TRPM7: variants seen among roughly 807,000 people sequenced by gnomAD.
TRPM7 encodes the protein transient receptor potential cation channel subfamily M member 7, also known as LTRPC ion channel family member 7.
In TRPM7, 134 loss-of-function variants were observed where a neutral mutation model predicts 229.7. The ratio of observed to expected loss-of-function variants is 0.58; its 90% confidence interval spans 0.51 to 0.67. TRPM7 has a LOEUF of 0.67. Ranked by LOEUF, TRPM7 falls within the 30% of genes least tolerant of loss-of-function variation. The probability of loss-of-function intolerance (pLI) is 0.00; values close to 1 mark genes in which losing one functional copy is unlikely to be tolerated. For synonymous variants in TRPM7, 699 were observed against 715.2 expected (o/e 0.98, Z 0.36); for missense variants, 1,901 against 2,210.0 (o/e 0.86, Z 2.80).
intron 10 of TRPM7, 55 bp from the exon 11 acceptor site, chr15:50,628,304 G>C (rs965139809): frequency 1.5e-6 from 2 of 1,322,240 alleles, no homozygotes; most frequent in East Asian, 2.3e-5. Context: ...TCCATTAAAA[G>C]GTGAACACTT....
intron 25 of TRPM7, among the ~76,000 whole-genome samples, chr15:50,593,261 C>T (rs977752511): frequency 6.6e-5 from 10 of 151,656 alleles, no homozygotes; most frequent in African/African-American, 2.4e-4. Context: ...TGTACTCCAG[C>T]CGGGGCAAAA....
At chr15:50,618,223 A>G (rs2060282451) in intron 13 of TRPM7, among the ~76,000 whole-genome samples, 1 of 152,084 alleles carries the variant, frequency 6.6e-6, no homozygotes, top group Admixed American at 6.6e-5. Context: ...GTGGCCACAG[A>G]ATAGCCTGAG....
intron 38 of TRPM7, among the ~76,000 whole-genome samples, chr15:50,563,757 C>A (rs1248396793): frequency 6.6e-6 from 1 of 152,292 alleles, no homozygotes; most frequent in African/African-American, 2.4e-5. Flanking sequence ...ACATGCAACC[C>A]AACACAAATT....
At chr15:50,654,936 G>C (rs1351360240) in intron 3 of TRPM7, among the ~76,000 whole-genome samples, 4 of 147,054 alleles carry the variant, frequency 2.7e-5, no homozygotes, top group African/African-American at 1.0e-4. Flanking sequence ...AGGATGCAGA[G>C]CTTGCAGTGA....
At chr15:50,674,925 A>G (rs2062062239) in intron 1 of TRPM7, among the ~76,000 whole-genome samples, 1 of 152,200 alleles carries the variant, frequency 6.6e-6, no homozygotes, top group African/African-American at 2.4e-5. Context: ...TCTCATTGGC[A>G]AATCCACCCA....
At chr15:50,650,626 C>A (rs1267933401) in intron 3 of TRPM7, among the ~76,000 whole-genome samples, 1 of 151,718 alleles carries the variant, frequency 6.6e-6, no homozygotes, top group Non-Finnish European at 1.5e-5. Flanking sequence ...ACCTGGGAGG[C>A]AGAGGTTGTG....
chr15:50,563,474 C>G (rs917912712), intron 38 of TRPM7, among the ~76,000 whole-genome samples: 1 of 152,144 alleles, frequency 6.6e-6, no homozygotes, highest in African/African-American at 2.4e-5. Context: ...GTCCAGGAAA[C>G]AAGGTGGTAG....
At chr15:50,630,706 G>A (rs1225621741) in intron 10 of TRPM7, among the ~76,000 whole-genome samples, 3 of 152,042 alleles carry the variant, frequency 2.0e-5, no homozygotes, top group Non-Finnish European at 4.4e-5. Context: ...ACAGGGTCTT[G>A]CTGTCACCCA....
intron 36 of TRPM7, 52 bp from the exon 37 acceptor site, chr15:50,570,207 T>C (rs1007467048): frequency 7.8e-7 from 1 of 1,278,116 alleles, no homozygotes; most frequent in East Asian, 2.6e-5. Context: ...ATAATTGACA[T>C]AAATACTGAC....
intron 1 of TRPM7, among the ~76,000 whole-genome samples, chr15:50,673,092 T>C (rs2062026220): frequency 6.8e-6 from 1 of 147,140 alleles, no homozygotes; most frequent in Non-Finnish European, 1.5e-5. Flanking sequence ...AAAAATACTT[T>C]TTATAAATTT....
chr15:50,601,898 A>C (rs947418410), intron 21 of TRPM7, among the ~76,000 whole-genome samples: 2 of 151,126 alleles, frequency 1.3e-5, no homozygotes, highest in Non-Finnish European at 2.9e-5. Context: ...CAAGCTTTTC[A>C]AAGCTGTTTC....
At chr15:50,663,606 T>G (rs1339797885) in intron 1 of TRPM7, among the ~76,000 whole-genome samples, 2 of 152,160 alleles carry the variant, frequency 1.3e-5, no homozygotes, top group Non-Finnish European at 2.9e-5. Flanking sequence ...GAAGCCTAGT[T>G]TGAGATTCCC....
At chr15:50,626,219 T>C (rs1182165901) in intron 11 of TRPM7, among the ~76,000 whole-genome samples, 1 of 152,178 alleles carries the variant, frequency 6.6e-6, no homozygotes, top group African/African-American at 2.4e-5. Context: ...TTTTTTATTA[T>C]AAATCATTTT....
chr15:50,632,954 G>A lies in TRPM7; in HGVS notation c.1046C>T (p.Thr349Ile). 6.2e-7 allele frequency: 1 copy of A among 1,605,442 alleles called. No individual in the cohort carries two copies. Among genetic ancestry groups the A allele is most frequent in the Non-Finnish European group, 8.5e-7 (1 of 1,177,034 alleles). ...GCCAAAGTTAAATGTTTTTTTGATA[G>A]TGGAAATAATATCGGGCTCTGCTGC... ...PDAAEPDIIS[T>I]IKKTFNFGQN... Residue 349 changes from threonine to isoleucine, a missense_variant, in exon 9 of 39, where the codon ACT becomes ATT. Transcript: ENST00000646667.
rs1362266640 is a variant in TRPM7, at chr15:50,560,045, T to C, written c.*1633A>G. The C allele has an allele frequency of 6.7e-6, 1 of 149,100 alleles. No individual in the cohort carries two copies. The highest frequency in any genetic ancestry group is 1.5e-5 in the Non-Finnish European group (1 of 67,472). 9.2% of individuals were successfully genotyped at this position (149,100 alleles called of 1,614,324 possible). A position where few individuals can be genotyped will look rare whatever the true frequency, so the allele number is the denominator to read the frequency against. The stretch of plus-strand genomic sequence containing the variant: ...AAAAAAAAAAAAAAAGTATAGCTAC[T>C]ATTATAATCCTGTGAAAATAATCAA... On this transcript the variant is annotated 3_prime_UTR_variant, in exon 39 of 39. Transcript: ENST00000646667.
rs2053788177 is a variant in TRPM7 at position 50,569,923 on chromosome 15, G to A, written c.5431C>T (p.His1811Tyr). ...AGCTTTCTACAGCAAGAATTACAGT[G>A]ATGTTTTGCTCTGAAGTTTTTAATT... ...DAIKNFRAKH[H>Y]CNSCCRKLKL... Residue 1811 changes from histidine (H) to tyrosine (Y), a missense_variant, in exon 38 of 39, where the codon CAC (histidine) becomes TAC (tyrosine). His to Tyr is a moderately conservative substitution (Grantham distance 83). This residue lies in a region of TRPM7 where 257 missense variants were observed against 352.0 expected (regional missense o/e 0.73). Coordinates refer to ENST00000646667, the MANE Select transcript of TRPM7 (RefSeq NM_017672.6). The A allele has an allele frequency of 2.5e-6, 4 of 1,611,904 alleles. No homozygotes were observed. Among genetic ancestry groups the A allele is most frequent in the Admixed American group, 1.7e-5 (1 of 59,762 alleles).
At chr15:50,562,107 G>A (rs2053343418) in intron 38 of TRPM7, among the ~76,000 whole-genome samples, 1 of 151,978 alleles carries the variant, frequency 6.6e-6, no homozygotes, top group Non-Finnish European at 1.5e-5. Flanking sequence ...TGTTGGTCAG[G>A]CTGGTCTTGA....
At chr15:50,584,883 G>C (rs555406983) in intron 28 of TRPM7, among the ~76,000 whole-genome samples, 46 of 150,494 alleles carry the variant, frequency 3.1e-4, no homozygotes, top group African/African-American at 1.1e-3. Context: ...TTTCTTTTTT[G>C]TTTGAGATGG....
Position 50,558,944 on chromosome 15 carries a change from A to G in TRPM7, c.*2734T>C, listed in dbSNP as rs1247930211. 1 of 149,744 alleles carries G rather than the reference A, an allele frequency of 6.7e-6. No individual in the cohort carries two copies. The highest frequency in any genetic ancestry group is 1.5e-5 in the Non-Finnish European group (1 of 66,734). 9.3% of individuals were successfully genotyped at this position (149,744 alleles called of 1,614,324 possible). A position where few individuals can be genotyped will look rare whatever the true frequency, so the allele number is the denominator to read the frequency against. Reference sequence around the variant, plus strand: ...ATCTCACTCTGTTGCCCAGGTTGGAAAGCAGTGGCATGATCTCAGCTCACT... The same window carrying G: ...ATCTCACTCTGTTGCCCAGGTTGGAGAGCAGTGGCATGATCTCAGCTCACT... On this transcript the variant is annotated 3_prime_UTR_variant, in exon 39 of 39. Coordinates refer to ENST00000646667, the MANE Select transcript of TRPM7 (RefSeq NM_017672.6).
Sources: gnomAD v4.1 joint callset for allele counts (sites outside exome capture counted in the v4.1 genomes callset) on GRCh38, gnomAD v4.1.1 for gene constraint, gnomAD v4.1.1 regional missense constraint, MANE v1.5 for transcripts, NCBI Gene and HGNC (gene_info 2026-07-23, HGNC 2026-07-21) for gene names.